Variants in DOCK9 observed in about 807,000 individuals in gnomAD.
DOCK9 encodes the protein dedicator of cytokinesis 9, also known as dedicator of cytokinesis protein 9.
A neutral mutation model predicts 263.3 loss-of-function variants in DOCK9; 89 were observed. The observed-to-expected ratio is 0.34, with a 90% CI of 0.28 to 0.40. DOCK9 has a LOEUF of 0.40. DOCK9 is among the 10% of genes least tolerant of loss of function. The pLI is 1.00. For missense variants in DOCK9, 2,140 were observed against 2,603.4 expected, an observed-to-expected ratio of 0.82 and a Z score of 3.87; for synonymous variants, 976 against 973.1, an observed-to-expected ratio of 1.00 and a Z score of -0.06.
chr13:98,922,603 A>G (rs2052233904), intron 5 of DOCK9, among the ~76,000 whole-genome samples: 1 of 152,246 alleles, frequency 6.6e-6, no homozygotes. Context: ...GAGGAAATTG[A>G]GGCAATACAG....
At chr13:99,033,070 A>T (rs9513537) in intron 1 of DOCK9, among the ~76,000 whole-genome samples, 75,367 of 152,034 alleles carry the variant, frequency 0.5, 18,953 homozygotes, top group East Asian at 0.65. Context: ...AAATTCTAGG[A>T]CATATGATGT....
chr13:98,897,647 C>T lies in DOCK9; in HGVS notation c.1587-37G>A, dbSNP rs566102327. On this transcript the variant is annotated intron_variant, in intron 14 of 52. Transcript: ENST00000682017. Reference sequence around the variant, plus strand: ...AAGCAACATTTCTAAACTGGGTTTCCAAAACACCAAAATCAATTCATTATT... The same window carrying T: ...AAGCAACATTTCTAAACTGGGTTTCTAAAACACCAAAATCAATTCATTATT... The T allele has an allele frequency of 9.8e-5, 157 of 1,606,000 alleles. 3 individuals carry two copies. The South Asian group carries it at 1.7e-3, about 17-fold the overall frequency.
rs371780030 is a variant in DOCK9 at position 98,797,083 on chromosome 13, C to T, written c.6156+32G>A. 3.2e-4 allele frequency: 524 copies of T among 1,613,612 alleles called. 2 individuals carry two copies. Among genetic ancestry groups the T allele is most frequent in the Middle Eastern group, 8.3e-4 (5 of 6,056 alleles). On this transcript the variant is annotated intron_variant, in intron 52 of 52. Transcript: ENST00000682017. ...TGTACTTGAAACCCCTAACCAAGAA[C>T]TCCAAGTTGTTGGAGCCAGTGCGGC...
chr13:99,005,632 G>A (rs1883204788), intron 1 of DOCK9, among the ~76,000 whole-genome samples: 2 of 152,130 alleles, frequency 1.3e-5, no homozygotes, highest in East Asian at 1.9e-4. Context: ...AATTGAATTA[G>A]GATCTTAACT....
At chr13:99,021,908 A>T (rs757473314) in intron 1 of DOCK9, among the ~76,000 whole-genome samples, 2 of 152,138 alleles carry the variant, frequency 1.3e-5, no homozygotes, top group African/African-American at 2.4e-5. Flanking sequence ...GCAGCAAACC[A>T]CCATGGCACA....
chr13:98,889,702 C>T (rs1007451245), intron 15 of DOCK9, among the ~76,000 whole-genome samples: 4 of 152,098 alleles, frequency 2.6e-5, no homozygotes, highest in African/African-American at 4.8e-5. Flanking sequence ...CGATGTTCCT[C>T]TATCTTTCAA....
At chr13:98,806,872 G>A (rs1594178615) in intron 48 of DOCK9, among the ~76,000 whole-genome samples, 1 of 150,550 alleles carries the variant, frequency 6.6e-6, no homozygotes, top group East Asian at 2.0e-4. Context: ...TAGCGCCACT[G>A]CACTCCAGCC....
At chr13:98,827,997 GGT>G (rs978372703) in intron 43 of DOCK9, among the ~76,000 whole-genome samples, 1 of 152,178 alleles carries the variant, frequency 6.6e-6, no homozygotes, top group Non-Finnish European at 1.5e-5. Flanking sequence ...AGGTCATACT[GGT>G]GTGTGGTGGG....
At chr13:98,826,957 G>A (rs1165859473) in intron 43 of DOCK9, 70 bp from the exon 44 acceptor site, 7 of 1,202,474 alleles carry the variant, frequency 5.8e-6, no homozygotes, top group Non-Finnish European at 8.4e-6. Flanking sequence ...CACACAGACA[G>A]AAATCTAATC....
intron 2 of DOCK9, among the ~76,000 whole-genome samples, chr13:98,936,633 AAAAAGAAAGAAAG>A (rs1207516605): frequency 4.7e-5 from 4 of 85,534 alleles, no homozygotes; most frequent in Non-Finnish European, 1.2e-4. Flanking sequence ...CAAAAAAAAA[AAAAAGAAAGAAAG>A]AAAAGAATGA....
chr13:98,966,855 G>A (rs1340905604), intron 1 of DOCK9, among the ~76,000 whole-genome samples: 2 of 152,206 alleles, frequency 1.3e-5, no homozygotes, highest in Non-Finnish European at 2.9e-5. Context: ...ACAGGTATAT[G>A]GGAGTTCATT....
intron 3 of DOCK9, among the ~76,000 whole-genome samples, chr13:98,927,968 T>C (rs1266264547): frequency 6.7e-6 from 1 of 149,304 alleles, no homozygotes; most frequent in Admixed American, 6.7e-5. Flanking sequence ...CAGTTTATTA[T>C]GTTCATATAT....
At chr13:99,054,848 A>G (rs1436545593) in intron 1 of DOCK9, among the ~76,000 whole-genome samples, 1 of 152,214 alleles carries the variant, frequency 6.6e-6, no homozygotes, top group Non-Finnish European at 1.5e-5. Context: ...CTTTACTACG[A>G]GAAAAATTTT....
chr13:98,875,969 G>A (rs1301990724), intron 27 of DOCK9, among the ~76,000 whole-genome samples: 2 of 152,112 alleles, frequency 1.3e-5, no homozygotes, highest in African/African-American at 2.4e-5. Context: ...TAAGCATAAC[G>A]CTGTGCCATG....
intron 7 of DOCK9, among the ~76,000 whole-genome samples, chr13:98,919,915 T>C (rs1254422353): frequency 6.6e-6 from 1 of 152,248 alleles, no homozygotes; most frequent in African/African-American, 2.4e-5. Flanking sequence ...TTCATCTTTC[T>C]GCTTTCACCC....
chr13:98,967,116 CTT>C (rs2059287623), intron 1 of DOCK9, among the ~76,000 whole-genome samples: 1 of 152,252 alleles, frequency 6.6e-6, no homozygotes, highest in Non-Finnish European at 1.5e-5. Flanking sequence ...AAAATCCTGG[CTT>C]CACTGCCTAT....
chr13:98,811,192 T>G (rs1422941788), intron 45 of DOCK9, among the ~76,000 whole-genome samples: 1 of 152,264 alleles, frequency 6.6e-6, no homozygotes, highest in African/African-American at 2.4e-5. Context: ...ATACTTGATC[T>G]CTAATGTTTA....
intron 32 of DOCK9, among the ~76,000 whole-genome samples, chr13:98,862,801 C>A (rs2093912526): frequency 6.6e-6 from 1 of 152,124 alleles, no homozygotes; most frequent in Non-Finnish European, 1.5e-5. Flanking sequence ...AGCCAGAGAG[C>A]ACCAAAAGTT....
intron 1 of DOCK9, among the ~76,000 whole-genome samples, chr13:99,008,173 T>C (rs1883684239): frequency 6.7e-6 from 1 of 148,728 alleles, no homozygotes; most frequent in African/African-American, 2.5e-5. Context: ...ATGTTTATGA[T>C]ATATTGTGCA....
Sources: gnomAD v4.1 joint callset for allele counts (sites outside exome capture counted in the v4.1 genomes callset) on GRCh38, gnomAD v4.1.1 for gene constraint, MANE v1.5 for transcripts, NCBI Gene and HGNC (gene_info 2026-07-23, HGNC 2026-07-21) for gene names.